The following KCNH1 variants were observed in gnomAD, a reference collection of about 807,000 sequenced individuals.
KCNH1 encodes voltage-gated delayed rectifier potassium channel KCNH1.
In KCNH1, 27 loss-of-function variants were observed where a neutral mutation model predicts 69.2. The observed-to-expected ratio is 0.39, with a 90% CI of 0.29 to 0.54. The LOEUF is 0.54. Ranked by LOEUF, KCNH1 falls within the 20% of genes least tolerant of loss-of-function variation. The pLI is 0.68. For missense variants in KCNH1, 798 were observed against 1,261.6 expected (o/e 0.63, Z 5.57); for synonymous variants, 456 against 487.7 (o/e 0.93, Z 0.86).
At chr1:210,841,591 T>C (rs72755514) in intron 7 of KCNH1, among the ~76,000 whole-genome samples, 8 of 152,304 alleles carry the variant, frequency 5.3e-5, no homozygotes, top group African/African-American at 9.6e-5. Context: ...GATAACTTTA[T>C]AGGACTTGGG....
chr1:210,823,373 T>C (rs1173506207), intron 7 of KCNH1, among the ~76,000 whole-genome samples: 1 of 152,170 alleles, frequency 6.6e-6, no homozygotes, highest in Non-Finnish European at 1.5e-5. Flanking sequence ...CCAAGAGCCT[T>C]CCTGAGGTTG....
At chr1:211,007,456 C>A (rs1689306325) in intron 6 of KCNH1, among the ~76,000 whole-genome samples, 1 of 152,208 alleles carries the variant, frequency 6.6e-6, no homozygotes, top group Admixed American at 6.5e-5. Context: ...CAAAGAAAAT[C>A]TCCTTCTCCC....
intron 5 of KCNH1, among the ~76,000 whole-genome samples, chr1:211,048,609 T>G (rs1690135648): frequency 6.6e-6 from 1 of 152,092 alleles, no homozygotes; most frequent in Non-Finnish European, 1.5e-5. Flanking sequence ...AAACCAAACA[T>G]CGTATGTTCT....
At chr1:210,702,734 A>T (rs988509343) in intron 10 of KCNH1, among the ~76,000 whole-genome samples, 2 of 152,218 alleles carry the variant, frequency 1.3e-5, no homozygotes, top group Non-Finnish European at 2.9e-5. Flanking sequence ...TTCTCACCCC[A>T]TGGTGATTTG....
chr1:211,028,341 A>G (rs1410483227), intron 5 of KCNH1, among the ~76,000 whole-genome samples: 1 of 152,046 alleles, frequency 6.6e-6, no homozygotes, highest in African/African-American at 2.4e-5. Context: ...TTATCACTAA[A>G]TGTTTACCTA....
At chr1:211,060,299 T>A (rs913796319) in intron 5 of KCNH1, among the ~76,000 whole-genome samples, 2 of 137,846 alleles carry the variant, frequency 1.5e-5, no homozygotes, top group Non-Finnish European at 3.0e-5. Context: ...TTCAAATAAA[T>A]AACCTTATGA....
chr1:211,001,799 T>G (rs1185831529), intron 6 of KCNH1, among the ~76,000 whole-genome samples: 2 of 152,150 alleles, frequency 1.3e-5, no homozygotes, highest in African/African-American at 4.8e-5. Flanking sequence ...ATTAACAAAA[T>G]GTGGCATATA....
intron 10 of KCNH1, among the ~76,000 whole-genome samples, chr1:210,693,447 G>T (rs548797611): frequency 1.1e-4 from 17 of 152,298 alleles, no homozygotes; most frequent in African/African-American, 4.1e-4. Context: ...CACTTGGGTG[G>T]GTGGGAGGAG....
chr1:210,982,640 G>A (rs1177917554), intron 6 of KCNH1, among the ~76,000 whole-genome samples: 1 of 152,186 alleles, frequency 6.6e-6, no homozygotes, highest in Admixed American at 6.5e-5. Context: ...TGGTGTATAT[G>A]TGCCACATTT....
intron 5 of KCNH1, among the ~76,000 whole-genome samples, chr1:211,029,526 A>C: frequency 6.6e-6 from 1 of 152,062 alleles, no homozygotes; most frequent in Non-Finnish European, 1.5e-5. Context: ...CTCAGAGAAA[A>C]AAAATAGAAA....
intron 7 of KCNH1, among the ~76,000 whole-genome samples, chr1:210,878,019 C>T (rs972468365): frequency 1.3e-5 from 2 of 151,978 alleles, no homozygotes; most frequent in South Asian, 2.1e-4. Flanking sequence ...TGTGGGTTGG[C>T]CATATTTGAA....
intron 1 of KCNH1, among the ~76,000 whole-genome samples, chr1:211,130,283 C>T (rs1691853013): frequency 6.6e-6 from 1 of 152,164 alleles, no homozygotes; most frequent in South Asian, 2.1e-4. Context: ...ATTTAAAGAA[C>T]AGATAATTAT....
chr1:210,699,723 T>C (rs1039041581), intron 10 of KCNH1, among the ~76,000 whole-genome samples: 1 of 152,244 alleles, frequency 6.6e-6, no homozygotes, highest in African/African-American at 2.4e-5. Flanking sequence ...TGGAGCCCAT[T>C]CTACACATGA....
At chr1:210,828,653 G>A (rs75117608) in intron 7 of KCNH1, among the ~76,000 whole-genome samples, 1 of 152,164 alleles carries the variant, frequency 6.6e-6, no homozygotes, top group Non-Finnish European at 1.5e-5. Flanking sequence ...CTTGCTCTTG[G>A]TACCTGCCAT....
intron 10 of KCNH1, among the ~76,000 whole-genome samples, chr1:210,733,167 C>G (rs1163274253): frequency 6.6e-6 from 1 of 151,286 alleles, no homozygotes; most frequent in Non-Finnish European, 1.5e-5. Flanking sequence ...ATTTTTTTTT[C>G]TTTCTTACTT....
rs998700700 is a variant in KCNH1 at position 210,984,322 on chromosome 1, T to C, written c.1032+34461A>G. Reference sequence around the variant, plus strand: ...CTTCCAACACTATGTTGAATAGGAGTGGTGAGAGAGGGCATCCCTGTCTTG... The same window carrying C: ...CTTCCAACACTATGTTGAATAGGAGCGGTGAGAGAGGGCATCCCTGTCTTG... On this transcript the variant is annotated intron_variant, in intron 6 of 10. Coordinates refer to ENST00000271751, the MANE Select transcript of KCNH1 (RefSeq NM_172362.3). 9.9e-5 allele frequency among the ~76,000 whole-genome samples: 15 copies of C among 152,068 alleles called. No individual in the cohort carries two copies. In the South Asian group the frequency reaches 2.9e-3, roughly 30 times the overall value.
intron 5 of KCNH1, among the ~76,000 whole-genome samples, chr1:211,038,188 C>T (rs1689932642): frequency 1.3e-5 from 2 of 152,080 alleles, no homozygotes; most frequent in Non-Finnish European, 2.9e-5. Flanking sequence ...GTCTCGATCT[C>T]CTGACCTCGT....
intron 10 of KCNH1, among the ~76,000 whole-genome samples, chr1:210,766,078 A>G (rs1434831699): frequency 6.6e-6 from 1 of 151,992 alleles, no homozygotes; most frequent in Non-Finnish European, 1.5e-5. Flanking sequence ...AGAAGAAGAA[A>G]AAAAGAATGT....
chr1:210,847,580 T>TGG (rs1685585474), intron 7 of KCNH1, among the ~76,000 whole-genome samples: 1 of 54,204 alleles, frequency 1.8e-5, no homozygotes, highest in African/African-American at 7.2e-5. Flanking sequence ...GGGCCTGTTG[T>TGG]GGGGTGGGGG....
Sources: gnomAD v4.1 joint callset for allele counts (sites outside exome capture counted in the v4.1 genomes callset) on GRCh38, gnomAD v4.1.1 for gene constraint, MANE v1.5 for transcripts, NCBI Gene and HGNC (gene_info 2026-07-23, HGNC 2026-07-21) for gene names.